SEMA5A: variants seen among roughly 807,000 people sequenced by gnomAD.
The protein encoded by SEMA5A is semaphorin-5A.
Under a neutral mutation model 135.5 loss-of-function variants are expected in SEMA5A, and 55 were observed. The observed-to-expected ratio is 0.41, with a 90% CI of 0.33 to 0.51. The LOEUF is 0.51. Ranked by LOEUF, SEMA5A falls within the 20% of genes least tolerant of loss-of-function variation. The pLI is 0.37. For synonymous variants in SEMA5A, 580 were observed against 546.5 expected, an observed-to-expected ratio of 1.06 and a Z score of -0.85; for missense variants, 1,290 against 1,419.9, an observed-to-expected ratio of 0.91 and a Z score of 1.47.
intron 1 of SEMA5A, among the ~76,000 whole-genome samples, chr5:9,508,257 G>A (rs1736012291): frequency 1.3e-5 from 2 of 152,124 alleles, no homozygotes; most frequent in African/African-American, 4.8e-5. Flanking sequence ...ATGCCAGGGA[G>A]TGTCATCTCC....
At chr5:9,507,815 T>A (rs183791989) in intron 1 of SEMA5A, among the ~76,000 whole-genome samples, 30 of 152,012 alleles carry the variant, frequency 2.0e-4, no homozygotes, top group African/African-American at 6.7e-4. Context: ...CCATCCTGGC[T>A]AACATGGTGA....
chr5:9,424,983 C>T (rs769081774), intron 2 of SEMA5A, among the ~76,000 whole-genome samples: 1 of 152,270 alleles, frequency 6.6e-6, no homozygotes, highest in African/African-American at 2.4e-5. Context: ...AATTTGGAAA[C>T]GTAAATAACT....
chr5:9,177,329 C>T (rs990950266), intron 11 of SEMA5A, among the ~76,000 whole-genome samples: 13 of 152,156 alleles, frequency 8.5e-5, no homozygotes, highest in Non-Finnish European at 1.9e-4. Flanking sequence ...AAGATGAGTG[C>T]TTTAAATGAT....
At chr5:9,072,827 C>T (rs971543919) in intron 16 of SEMA5A, among the ~76,000 whole-genome samples, 8 of 152,146 alleles carry the variant, frequency 5.3e-5, no homozygotes, top group African/African-American at 1.7e-4. Context: ...TGTCTTGCAT[C>T]CAATCTAAAA....
At position 9,088,637 on chromosome 5, in the gene SEMA5A, A is replaced by AT. The variant is rs1738846706; in HGVS notation, c.2073+19502_2073+19503insA. On this transcript the variant is annotated intron_variant, in intron 16 of 22. Coordinates refer to ENST00000382496, the MANE Select transcript of SEMA5A (RefSeq NM_003966.3). ...GCAGCAGCAGGAAGCCTACATTTAT[A>AT]ATATATATATATATATATATATACA... 4.6e-5 allele frequency among the ~76,000 whole-genome samples: 5 copies of AT among 108,110 alleles called. 1 individual carries two copies. The highest frequency in any genetic ancestry group is 1.7e-4 in the African/African-American group (4 of 23,620). 70.9% of individuals were successfully genotyped at this position (108,110 alleles called of 152,430 possible).
intron 5 of SEMA5A, among the ~76,000 whole-genome samples, chr5:9,258,806 T>C (rs1410322266): frequency 4.8e-5 from 6 of 124,626 alleles, no homozygotes; most frequent in African/African-American, 1.8e-4. Context: ...TTTCTTTCTT[T>C]TTTTTTTTTT....
chr5:9,198,620 G>A (rs1745542106), intron 9 of SEMA5A, among the ~76,000 whole-genome samples: 1 of 152,188 alleles, frequency 6.6e-6, no homozygotes, highest in Admixed American at 6.5e-5. Context: ...CAAGGACAAG[G>A]CTCAGCATGA....
chr5:9,136,718 G>A lies in SEMA5A; in HGVS notation c.1482-97C>T, dbSNP rs868713654. The A allele has an allele frequency of 4.4e-5, 43 of 968,742 alleles. 1 individual carries two copies. The Middle Eastern group carries it at 8.7e-4, about 20-fold the overall frequency. 60.0% of individuals were successfully genotyped at this position (968,742 alleles called of 1,614,324 possible). ...CCTGTCCCTTGGCAGAGAGGTATGG[G>A]ATTTCTTACATATGAAGCCCAATGG... is the stretch of plus-strand genomic sequence containing the variant. On this transcript the variant is annotated intron_variant, in intron 12 of 22. Coordinates refer to ENST00000382496, the MANE Select transcript of SEMA5A (RefSeq NM_003966.3).
At chr5:9,183,077 G>T (rs1409081748) in intron 11 of SEMA5A, among the ~76,000 whole-genome samples, 1 of 152,108 alleles carries the variant, frequency 6.6e-6, no homozygotes, top group Non-Finnish European at 1.5e-5. Context: ...CAGAGGGAAG[G>T]ATTCAAGTAT....
Position 9,145,786 on chromosome 5 carries a change from C to A in SEMA5A, c.1481+8702G>T, listed in dbSNP as rs888650112. Among the ~76,000 whole-genome samples, 3 of 148,728 alleles carry A rather than the reference C, an allele frequency of 2.0e-5. No individual in the cohort carries two copies. The South Asian group carries it at 6.5e-4, about 32-fold the overall frequency. ...CCCGAGTAGCTGAGATTACAGGCGCCTGCCACCACATCCAGCTTTTTTTTT... is the reference window on the plus strand; with the variant it reads ...CCCGAGTAGCTGAGATTACAGGCGCATGCCACCACATCCAGCTTTTTTTTT... On this transcript the variant is annotated intron_variant, in intron 12 of 22. Coordinates refer to ENST00000382496, the MANE Select transcript of SEMA5A (RefSeq NM_003966.3).
chr5:9,430,859 A>T (rs1368405067), intron 2 of SEMA5A, among the ~76,000 whole-genome samples: 2 of 150,828 alleles, frequency 1.3e-5, no homozygotes, highest in Non-Finnish European at 3.0e-5. Flanking sequence ...TTTTTTTTTT[A>T]GCAAAGAGGA....
At chr5:9,430,280 T>C (rs1015650838) in intron 2 of SEMA5A, among the ~76,000 whole-genome samples, 3 of 152,204 alleles carry the variant, frequency 2.0e-5, no homozygotes, top group Admixed American at 6.5e-5. Context: ...GAGTTCAGTT[T>C]GGACATGGTT....
intron 15 of SEMA5A, among the ~76,000 whole-genome samples, chr5:9,109,455 G>T (rs990030017): frequency 2.6e-5 from 4 of 152,222 alleles, no homozygotes; most frequent in African/African-American, 9.6e-5. Flanking sequence ...TAGAAAGGAA[G>T]AGGTTAGTCT....
chr5:9,184,782 G>A (rs968278755), intron 11 of SEMA5A, among the ~76,000 whole-genome samples: 2 of 151,524 alleles, frequency 1.3e-5, no homozygotes, highest in Non-Finnish European at 2.9e-5. Context: ...TTTTTTCCAA[G>A]CAAAGTAACT....
intron 6 of SEMA5A, among the ~76,000 whole-genome samples, chr5:9,228,025 AT>A (rs1747414835): frequency 6.6e-6 from 1 of 152,202 alleles, no homozygotes; most frequent in African/African-American, 2.4e-5. Context: ...AGTGATGGAC[AT>A]GTGAGCTGGA....
rs1747992309 is a variant in SEMA5A, at chr5:9,237,845, T to C, written c.316A>G (p.Ser106Gly). 6.8e-6 allele frequency: 11 copies of C among 1,613,572 alleles called. No individual in the cohort carries two copies. The highest frequency in any genetic ancestry group is 9.3e-6 in the Non-Finnish European group (11 of 1,179,688). Reference protein sequence around the residue: ...CDEATKKACYSKGKSKEECQN... With the variant: ...CDEATKKACYGKGKSKEECQN... ...CTTCTTACCTTTGATTTGCCTTTGC[T>C]GTAACAGGCCTTTTTGGTAGCTTCA... The change falls in exon 6 of 23, where the codon AGC becomes GGC. Residue 106 changes from serine (S) to glycine (G), a missense_variant. Coordinates refer to ENST00000382496, the MANE Select transcript of SEMA5A (RefSeq NM_003966.3).
chr5:9,182,438 A>G (rs1744573386), intron 11 of SEMA5A, among the ~76,000 whole-genome samples: 1 of 152,156 alleles, frequency 6.6e-6, no homozygotes, highest in South Asian at 2.1e-4. Flanking sequence ...CACTTCTACA[A>G]GAAGACTTCT....
At chr5:9,538,242 G>A (rs1186532813) in intron 1 of SEMA5A, among the ~76,000 whole-genome samples, 2 of 109,630 alleles carry the variant, frequency 1.8e-5, no homozygotes, top group African/African-American at 6.7e-5. Context: ...AGAGCTAGAA[G>A]CAATTCTTTG....
chr5:9,381,306 CA>C (rs1265686290), intron 2 of SEMA5A, among the ~76,000 whole-genome samples: 3 of 152,116 alleles, frequency 2.0e-5, no homozygotes, highest in African/African-American at 7.2e-5. Flanking sequence ...CAATGTGAAT[CA>C]AAAGGCAAAC....
Sources: allele counts gnomAD v4.1 joint callset (sites outside exome capture counted in the v4.1 genomes callset), GRCh38; gene constraint gnomAD v4.1.1; transcripts MANE v1.5; gene names NCBI Gene and HGNC (gene_info 2026-07-23, HGNC 2026-07-21).